Variants in CNTNAP4 observed in about 807,000 individuals in gnomAD.
CNTNAP4 encodes contactin associated protein family member 4, also known as contactin-associated protein-like 4.
In CNTNAP4, 98 loss-of-function variants were observed where a neutral mutation model predicts 148.4. The ratio of observed to expected loss-of-function variants is 0.66; its 90% CI spans 0.56 to 0.78. The LOEUF (loss-of-function observed/expected upper bound fraction) is 0.78, where lower values mean the gene tolerates loss of function less well. Ranked by LOEUF, CNTNAP4 falls within the 30% of genes least tolerant of loss-of-function variation. The pLI is 0.00. For missense variants in CNTNAP4, 1,935 were observed against 1,565.6 expected (o/e 1.24, Z -3.98); for synonymous variants, 730 against 565.1 (o/e 1.29, Z -4.14).
chr16:76,465,857 G>A (rs901609835), intron 9 of CNTNAP4, among the ~76,000 whole-genome samples: 1 of 152,166 alleles, frequency 6.6e-6, no homozygotes, highest in African/African-American at 2.4e-5. Context: ...GTTTCGGTGT[G>A]TCTGATAATA....
intron 1 of CNTNAP4, among the ~76,000 whole-genome samples, chr16:76,299,936 T>A (rs535734570): frequency 1.4e-4 from 21 of 152,138 alleles, no homozygotes; most frequent in African/African-American, 5.1e-4. Context: ...ATAGGTGGGA[T>A]TTGAACAACG....
chr16:76,401,211 C>G lies in CNTNAP4; in HGVS notation c.391-26241C>G, dbSNP rs570955968. Among the ~76,000 whole-genome samples, 12 of 152,174 alleles carry G rather than the reference C, an allele frequency of 7.9e-5. No homozygotes were observed. In the South Asian group the frequency reaches 2.3e-3, roughly 29 times the overall value. On this transcript the variant is annotated intron_variant, in intron 3 of 23. Coordinates refer to ENST00000611870, the MANE Select transcript of CNTNAP4 (RefSeq NM_033401.5). ...CATTTGTGCATGTCATTTCTGATTTCTTTGAGCAGTGTTTTGTTACTCTCA... is the reference window on the plus strand; with the variant it reads ...CATTTGTGCATGTCATTTCTGATTTGTTTGAGCAGTGTTTTGTTACTCTCA...
intron 2 of CNTNAP4, among the ~76,000 whole-genome samples, chr16:76,331,749 A>C (rs191372411): frequency 9.8e-5 from 15 of 152,308 alleles, no homozygotes; most frequent in African/African-American, 2.9e-4. Flanking sequence ...TATAGGAAGA[A>C]AAGGGGAATT....
At chr16:76,547,157 A>G (rs1375038758) in intron 21 of CNTNAP4, among the ~76,000 whole-genome samples, 1 of 152,218 alleles carries the variant, frequency 6.6e-6, no homozygotes, top group African/African-American at 2.4e-5. Flanking sequence ...TATTTACTAG[A>G]AAATTATAGA....
At chr16:76,428,415 C>T (rs970267409) in intron 4 of CNTNAP4, among the ~76,000 whole-genome samples, 2 of 127,916 alleles carry the variant, frequency 1.6e-5, no homozygotes, top group Non-Finnish European at 3.7e-5. Flanking sequence ...CAATTCACGA[C>T]ATCGTTTTTT....
chr16:76,301,324 A>T lies in CNTNAP4; in HGVS notation c.86-15089A>T, dbSNP rs79446141. The stretch of plus-strand genomic sequence containing the variant: ...TTCAACTGATGATTTTAAGTTCTAA[A>T]ATCCAAAAACAAAAATTTAAACATA... On this transcript the variant is annotated intron_variant, in intron 1 of 23. Transcript: ENST00000611870. Among the ~76,000 whole-genome samples the T allele has an allele frequency of 1.4e-4, 21 of 152,280 alleles. 2 individuals are homozygous for T. Among genetic ancestry groups the T allele is most frequent in the African/African-American group, 4.8e-4 (20 of 41,542 alleles).
intron 4 of CNTNAP4, among the ~76,000 whole-genome samples, chr16:76,445,684 G>A (rs776109975): frequency 1.3e-5 from 2 of 151,672 alleles, no homozygotes; most frequent in Non-Finnish European, 2.9e-5. Flanking sequence ...AATAACAGCA[G>A]CGAAAAAGAA....
At chr16:76,280,691 G>A (rs548267594) in intron 1 of CNTNAP4, among the ~76,000 whole-genome samples, 2 of 152,236 alleles carry the variant, frequency 1.3e-5, no homozygotes, top group African/African-American at 4.8e-5. Flanking sequence ...TTCCATCAAA[G>A]TTTAGAGACG....
At chr16:76,338,636 G>T (rs1435633119) in intron 2 of CNTNAP4, among the ~76,000 whole-genome samples, 2 of 152,140 alleles carry the variant, frequency 1.3e-5, no homozygotes, top group Non-Finnish European at 2.9e-5. Context: ...ATCACCTGCT[G>T]ATGTGCTGTC....
intron 2 of CNTNAP4, among the ~76,000 whole-genome samples, chr16:76,339,082 C>T (rs9924992): frequency 0.2 from 30,421 of 151,996 alleles, 3,326 homozygotes; most frequent in East Asian, 0.33. Flanking sequence ...GTTTGAAATT[C>T]TGTGTGTGAT....
intron 1 of CNTNAP4, among the ~76,000 whole-genome samples, chr16:76,289,070 TAAA>T (rs61476124): frequency 6.6e-6 from 1 of 151,226 alleles, no homozygotes; most frequent in Non-Finnish European, 1.5e-5. Context: ...TCTCACCTTT[TAAA>T]AAAAAAATTT....
chr16:76,527,339 C>T (rs2083787399), intron 17 of CNTNAP4, among the ~76,000 whole-genome samples: 1 of 152,102 alleles, frequency 6.6e-6, no homozygotes, highest in African/African-American at 2.4e-5. Context: ...GAGCTGGTGA[C>T]TCCGTGGGTG....
chr16:76,448,860 G>A lies in CNTNAP4; in HGVS notation c.836G>A (p.Arg279His), dbSNP rs148969138. Residue 279 changes from arginine to histidine, a missense_variant, in exon 6 of 24, where the codon CGT (arginine) becomes CAT (histidine). Arg to His is a conservative substitution (Grantham distance 29, BLOSUM62 0). Coordinates refer to ENST00000611870, the MANE Select transcript of CNTNAP4 (RefSeq NM_033401.5). ...DQHWHSVLIQ[R>H]LGKQVNFTVD... ...CATTGGCATTCAGTGCTCATCCAGC[G>A]TTTGGGCAAACAAGTCAACTTCACA... 1.4e-4 allele frequency: 227 copies of A among 1,613,556 alleles called. No homozygotes were observed. Among genetic ancestry groups the A allele is most frequent in the Non-Finnish European group, 1.7e-4 (205 of 1,179,748 alleles).
chr16:76,279,139 A>G (rs1482641546), intron 1 of CNTNAP4, among the ~76,000 whole-genome samples: 1 of 152,196 alleles, frequency 6.6e-6, no homozygotes, highest in African/African-American at 2.4e-5. Context: ...CACAAATGGA[A>G]GTTCTGTAGA....
At chr16:76,428,856 A>G (rs551816439) in intron 4 of CNTNAP4, among the ~76,000 whole-genome samples, 1 of 152,292 alleles carries the variant, frequency 6.6e-6, no homozygotes, top group African/African-American at 2.4e-5. Flanking sequence ...CAAGCAGTTT[A>G]CGATTCCTCA....
chr16:76,476,356 A>G lies in CNTNAP4; in HGVS notation c.1762+311A>G, dbSNP rs190102471. 2.6e-5 allele frequency among the ~76,000 whole-genome samples: 4 copies of G among 152,328 alleles called. No homozygotes were observed. The East Asian group carries it at 5.8e-4, about 22-fold the overall frequency. On this transcript the variant is annotated intron_variant, in intron 11 of 23. Coordinates refer to ENST00000611870, the MANE Select transcript of CNTNAP4 (RefSeq NM_033401.5). ...CCAGCATTTTGACACTAAACTTTCT[A>G]GAAGGCGCAGTACAAGTGGAAACAT...
chr16:76,348,900 T>G (rs1179807515), intron 2 of CNTNAP4, among the ~76,000 whole-genome samples: 1 of 152,108 alleles, frequency 6.6e-6, no homozygotes, highest in Non-Finnish European at 1.5e-5. Context: ...TTTTTTTCTT[T>G]TAAAATGAGA....
At chr16:76,308,296 C>T (rs1312758945) in intron 1 of CNTNAP4, among the ~76,000 whole-genome samples, 13 of 152,222 alleles carry the variant, frequency 8.5e-5, no homozygotes, top group Middle Eastern at 3.4e-3. Context: ...GGCATTTAAT[C>T]GAGTTGAAAT....
chr16:76,460,415 T>C (rs1034250686), intron 8 of CNTNAP4, among the ~76,000 whole-genome samples: 2 of 150,824 alleles, frequency 1.3e-5, no homozygotes, highest in African/African-American at 4.9e-5. Context: ...GGCCAAAAAC[T>C]ACTATTTCTA....
Sources: gnomAD v4.1 joint callset for allele counts (sites outside exome capture counted in the v4.1 genomes callset) on GRCh38, gnomAD v4.1.1 for gene constraint, MANE v1.5 for transcripts, NCBI Gene and HGNC (gene_info 2026-07-23, HGNC 2026-07-21) for gene names.